TPRG1: variants seen among roughly 807,000 people sequenced by gnomAD.
The protein encoded by TPRG1 is tumor protein p63 regulated 1.
Under a neutral mutation model 29.3 loss-of-function variants are expected in TPRG1, and 29 were observed. That is an observed-to-expected ratio of 0.99 (90% CI 0.74 to 1.35). The LOEUF (loss-of-function observed/expected upper bound fraction) is 1.35. Among genes scored for constraint, TPRG1 ranks in the 40% most tolerant of loss-of-function variants. TPRG1 has a pLI of 0.00. For synonymous variants in TPRG1, 130 were observed against 116.8 expected, an observed-to-expected ratio of 1.11 and a Z score of -0.73; for missense variants, 327 against 335.0, an observed-to-expected ratio of 0.98 and a Z score of 0.19.
At chr3:189,153,814 T>C (rs1726279454) in intron 5 of TPRG1, among the ~76,000 whole-genome samples, 1 of 152,004 alleles carries the variant, frequency 6.6e-6, no homozygotes, top group South Asian at 2.1e-4. Flanking sequence ...GGCTGACTGA[T>C]CTGAGAGACA....
At chr3:189,057,213 CTGGGCTTA>C (rs1715756726) in intron 4 of TPRG1, among the ~76,000 whole-genome samples, 1 of 152,160 alleles carries the variant, frequency 6.6e-6, no homozygotes, top group Non-Finnish European at 1.5e-5. Flanking sequence ...ATTTGAGGCC[CTGGGCTTA>C]TGGCTTGTGT....
At chr3:189,239,364 TC>T (rs1165958796) in intron 4 of TPRG1, among the ~76,000 whole-genome samples, 3 of 152,048 alleles carry the variant, frequency 2.0e-5, no homozygotes, top group Non-Finnish European at 4.4e-5. Context: ...TTCAATTACC[TC>T]CCCCTGGTTC....
chr3:189,045,994 T>C (rs1034772728), intron 4 of TPRG1, among the ~76,000 whole-genome samples: 2 of 152,146 alleles, frequency 1.3e-5, no homozygotes, highest in Non-Finnish European at 2.9e-5. Context: ...AAGATGTTAC[T>C]CAAAGTCAGG....
At chr3:189,036,484 T>G (rs867168042) in intron 4 of TPRG1, among the ~76,000 whole-genome samples, 19 of 152,054 alleles carry the variant, frequency 1.2e-4, no homozygotes, top group African/African-American at 4.6e-4. Context: ...TGGACACCCA[T>G]GAAGTTGAGA....
intron 3 of TPRG1, among the ~76,000 whole-genome samples, chr3:189,007,283 AAC>A (rs1273865630): frequency 6.6e-6 from 1 of 151,756 alleles, no homozygotes; most frequent in East Asian, 1.9e-4. Flanking sequence ...GCAGCCAAAA[AAC>A]ACATGAAAAA....
chr3:189,027,080 G>A (rs1353848525), intron 4 of TPRG1, among the ~76,000 whole-genome samples: 1 of 152,136 alleles, frequency 6.6e-6, no homozygotes. Flanking sequence ...TACCTTGCAC[G>A]CAATGCTATG....
chr3:189,244,611 T>C (rs747577526), intron 4 of TPRG1, among the ~76,000 whole-genome samples: 2 of 151,906 alleles, frequency 1.3e-5, no homozygotes, highest in Non-Finnish European at 2.9e-5. Flanking sequence ...AATGACCAGA[T>C]CTTACAAGAA....
chr3:189,241,188 C>G (rs1174101974), intron 4 of TPRG1, among the ~76,000 whole-genome samples: 7 of 152,154 alleles, frequency 4.6e-5, no homozygotes, highest in Non-Finnish European at 1.0e-4. Context: ...GCCTTCCAAA[C>G]AGGTGCTACC....
intron 3 of TPRG1, among the ~76,000 whole-genome samples, chr3:189,220,167 C>A (rs1332234606): frequency 2.6e-5 from 4 of 151,924 alleles, no homozygotes; most frequent in South Asian, 4.2e-4. Flanking sequence ...CTTTAATATG[C>A]CCTTGTTTTA....
At chr3:189,157,210 C>A (rs996908102) in intron 5 of TPRG1, among the ~76,000 whole-genome samples, 3 of 152,186 alleles carry the variant, frequency 2.0e-5, no homozygotes, top group Non-Finnish European at 2.9e-5. Flanking sequence ...CTTGATCGAG[C>A]ATTAAGCCAT....
intron 3 of TPRG1, among the ~76,000 whole-genome samples, chr3:189,019,040 G>A (rs1202057546): frequency 1.3e-5 from 2 of 151,950 alleles, no homozygotes; most frequent in African/African-American, 2.4e-5. Context: ...TTTGTCTGTT[G>A]TTGGTGTATA....
At chr3:189,250,912 C>A (rs544720392) in intron 4 of TPRG1, among the ~76,000 whole-genome samples, 1 of 151,954 alleles carries the variant, frequency 6.6e-6, no homozygotes, top group Non-Finnish European at 1.5e-5. Flanking sequence ...GTGAGAAATG[C>A]GAGACTTACA....
chr3:189,165,552 G>A (rs557861660), intron 5 of TPRG1, among the ~76,000 whole-genome samples: 2 of 151,852 alleles, frequency 1.3e-5, no homozygotes, highest in African/African-American at 2.4e-5. Flanking sequence ...TTAATATGAG[G>A]TTCTCAGGCA....
At chr3:189,142,010 G>A (rs1724635408) in intron 3 of TPRG1, among the ~76,000 whole-genome samples, 1 of 152,106 alleles carries the variant, frequency 6.6e-6, no homozygotes, top group Non-Finnish European at 1.5e-5. Flanking sequence ...CCTGAAAGAG[G>A]GACCAAGTTT....
chr3:189,312,903 A>G (rs1429833721), intron 5 of TPRG1, among the ~76,000 whole-genome samples: 1 of 152,204 alleles, frequency 6.6e-6, no homozygotes, highest in Non-Finnish European at 1.5e-5. Flanking sequence ...AGTAAGAATA[A>G]CAGGTGGGAG....
chr3:189,295,927 A>C (rs9815867), intron 4 of TPRG1, among the ~76,000 whole-genome samples: 160 of 149,834 alleles, frequency 1.1e-3, no homozygotes, highest in African/African-American at 2.1e-3. Flanking sequence ...AAAAAAAAAA[A>C]AAAAACATTT....
intron 1 of TPRG1, among the ~76,000 whole-genome samples, chr3:189,195,040 C>T (rs1485669057): frequency 6.6e-6 from 1 of 152,116 alleles, no homozygotes; most frequent in Non-Finnish European, 1.5e-5. Context: ...GCATGGGGTA[C>T]TATGTAAGCC....
At chr3:189,070,323 G>T (rs1295437516) in intron 4 of TPRG1, among the ~76,000 whole-genome samples, 1 of 152,124 alleles carries the variant, frequency 6.6e-6, no homozygotes, top group Non-Finnish European at 1.5e-5. Context: ...GGAACCCTTG[G>T]ATGAGGGAAC....
intron 4 of TPRG1, among the ~76,000 whole-genome samples, chr3:189,299,061 T>C (rs1202532453): frequency 1.8e-5 from 2 of 110,330 alleles, no homozygotes; most frequent in Admixed American, 7.9e-5. Context: ...AATGGGTTTT[T>C]TTTTTTTCTG....
Sources: allele counts gnomAD v4.1 joint callset (sites outside exome capture counted in the v4.1 genomes callset), GRCh38; gene constraint gnomAD v4.1.1; transcripts MANE v1.5; gene names NCBI Gene and HGNC (gene_info 2026-07-23, HGNC 2026-07-21).